Variants in HMBOX1 observed in about 807,000 individuals in gnomAD.
The protein encoded by HMBOX1 is homeobox containing 1, also known as homeobox-containing protein 1.
HMBOX1 carries 14 observed loss-of-function variants against 54.5 expected under a neutral mutation model. The observed-to-expected ratio is 0.26, with a 90% CI of 0.17 to 0.40. HMBOX1 has a LOEUF of 0.40. HMBOX1 is among the 10% of genes least tolerant of loss of function. The pLI is 1.00. For missense variants in HMBOX1, 332 were observed against 514.4 expected (o/e 0.65, Z 3.43); for synonymous variants, 160 against 181.0 (o/e 0.88, Z 0.93).
chr8:28,995,455 G>A (rs1831664741), intron 4 of HMBOX1, among the ~76,000 whole-genome samples: 1 of 152,112 alleles, frequency 6.6e-6, no homozygotes, highest in Non-Finnish European at 1.5e-5. Flanking sequence ...CAATAATAAT[G>A]CTGCTATGAA....
chr8:29,007,375 A>T (rs1833616402), intron 4 of HMBOX1, among the ~76,000 whole-genome samples: 3 of 152,268 alleles, frequency 2.0e-5, no homozygotes, highest in Non-Finnish European at 4.4e-5. Flanking sequence ...CGAATTAATT[A>T]TCCAGAATAA....
At chr8:29,047,607 G>T (rs542110583) in intron 8 of HMBOX1, among the ~76,000 whole-genome samples, 154 bp downstream of exon 8, 79 of 118,356 alleles carry the variant, frequency 6.7e-4, no homozygotes, top group Non-Finnish European at 5.4e-4. Context: ...CACTCTTGTT[G>T]CCCAGGCTGG....
intron 3 of HMBOX1, among the ~76,000 whole-genome samples, chr8:28,975,042 T>G (rs906031694): frequency 6.6e-6 from 1 of 152,240 alleles, no homozygotes; most frequent in Admixed American, 6.5e-5. Flanking sequence ...TTGGTAAGCT[T>G]AAATCTATTT....
At chr8:28,983,312 G>T (rs1829694215) in intron 4 of HMBOX1, among the ~76,000 whole-genome samples, 1 of 152,062 alleles carries the variant, frequency 6.6e-6, no homozygotes, top group Non-Finnish European at 1.5e-5. Flanking sequence ...CCTCTATTCA[G>T]TATGCCCCCA....
At position 28,958,601 on chromosome 8, in the gene HMBOX1, A is replaced by C. The variant is rs184721682; in HGVS notation, c.-57-5210A>C. Among the ~76,000 whole-genome samples the C allele has an allele frequency of 2.0e-5, 3 of 152,292 alleles. No individual in the cohort carries two copies. The East Asian group carries it at 5.8e-4, about 29-fold the overall frequency. Reference sequence around the variant, plus strand: ...AGTTCCTAACCCTGCATTCAAAGTAACCACTGTTATTGGATCTCTTCCACA... The same window carrying C: ...AGTTCCTAACCCTGCATTCAAAGTACCCACTGTTATTGGATCTCTTCCACA... On this transcript the variant is annotated intron_variant, in intron 1 of 9. Coordinates refer to ENST00000287701, the MANE Select transcript of HMBOX1 (RefSeq NM_001135726.3).
chr8:28,955,339 C>T (rs1294630079), intron 1 of HMBOX1, among the ~76,000 whole-genome samples: 2 of 151,612 alleles, frequency 1.3e-5, no homozygotes, highest in South Asian at 2.1e-4. Flanking sequence ...AGTTCCTTTA[C>T]GTGTTGCCCA....
chr8:28,952,977 TA>T (rs2132144921), intron 1 of HMBOX1, among the ~76,000 whole-genome samples: 1 of 152,318 alleles, frequency 6.6e-6, no homozygotes, highest in Admixed American at 6.5e-5. Context: ...ATAGCAGAAC[TA>T]CAGTTCTGCT....
intron 1 of HMBOX1, among the ~76,000 whole-genome samples, chr8:28,945,851 A>G (rs1043629566): frequency 2.5e-4 from 38 of 151,798 alleles, no homozygotes; most frequent in Middle Eastern, 3.2e-3. Flanking sequence ...TACAATTCAC[A>G]TACCGTACAA....
intron 4 of HMBOX1, among the ~76,000 whole-genome samples, chr8:28,992,033 G>A (rs1831052879): frequency 6.6e-6 from 1 of 152,184 alleles, no homozygotes; most frequent in Admixed American, 6.5e-5. Flanking sequence ...CAATAGTCAT[G>A]CAGTTAATTG....
chr8:28,933,095 G>A (rs1256694976), intron 1 of HMBOX1, among the ~76,000 whole-genome samples: 1 of 152,030 alleles, frequency 6.6e-6, no homozygotes, highest in African/African-American at 2.4e-5. Flanking sequence ...TTGATGGAAA[G>A]AAGGGGAAAG....
intron 1 of HMBOX1, among the ~76,000 whole-genome samples, chr8:28,914,624 A>G (rs748753324): frequency 2.0e-5 from 3 of 152,230 alleles, no homozygotes; most frequent in Non-Finnish European, 2.9e-5. Context: ...CAGCCATGAC[A>G]GCTAATGTGA....
At chr8:28,999,262 A>G (rs1016413515) in intron 4 of HMBOX1, among the ~76,000 whole-genome samples, 1 of 152,148 alleles carries the variant, frequency 6.6e-6, no homozygotes, top group African/African-American at 2.4e-5. Context: ...GCTGTTTATC[A>G]TATTGAGCAT....
intron 6 of HMBOX1, among the ~76,000 whole-genome samples, chr8:29,039,922 C>G (rs61176996): frequency 1.7e-4 from 26 of 152,184 alleles, no homozygotes; most frequent in African/African-American, 6.3e-4. Flanking sequence ...GTATGACCAC[C>G]CTTATGTAAG....
chr8:28,994,680 T>C (rs1831523998), intron 4 of HMBOX1, among the ~76,000 whole-genome samples: 1 of 152,210 alleles, frequency 6.6e-6, no homozygotes, highest in East Asian at 1.9e-4. Context: ...AAGATTCACA[T>C]TGACAGGTAT....
chr8:28,996,775 T>C (rs185150058), intron 4 of HMBOX1, among the ~76,000 whole-genome samples: 1 of 152,366 alleles, frequency 6.6e-6, no homozygotes, highest in Non-Finnish European at 1.5e-5. Context: ...TGAGTTACTT[T>C]TTATATATGA....
chr8:28,893,748 T>C (rs1423523711), intron 1 of HMBOX1, among the ~76,000 whole-genome samples: 1 of 152,218 alleles, frequency 6.6e-6, no homozygotes, highest in Admixed American at 6.5e-5. Context: ...CAAGTGTTGA[T>C]TGGAATTCTA....
At chr8:29,008,029 A>G (rs1052659776) in intron 4 of HMBOX1, among the ~76,000 whole-genome samples, 2 of 152,070 alleles carry the variant, frequency 1.3e-5, no homozygotes, top group Admixed American at 1.3e-4. Flanking sequence ...TACTCTTCCT[A>G]TTGGGCATTA....
chr8:28,935,688 A>G (rs906916508), intron 1 of HMBOX1, among the ~76,000 whole-genome samples: 4 of 152,196 alleles, frequency 2.6e-5, no homozygotes, highest in African/African-American at 9.6e-5. Context: ...GATAAATTCC[A>G]TTTTATCAAA....
intron 3 of HMBOX1, among the ~76,000 whole-genome samples, chr8:28,976,792 C>T (rs1210675762): frequency 2.0e-5 from 3 of 151,132 alleles, no homozygotes; most frequent in African/African-American, 4.9e-5. Flanking sequence ...CTGCAACCTC[C>T]GCCTCTGGGG....
Sources: allele counts gnomAD v4.1 joint callset (sites outside exome capture counted in the v4.1 genomes callset), GRCh38; gene constraint gnomAD v4.1.1; transcripts MANE v1.5; gene names NCBI Gene and HGNC (gene_info 2026-07-23, HGNC 2026-07-21).